TRPM7: variants seen among roughly 807,000 people sequenced by gnomAD.
TRPM7 encodes the protein transient receptor potential cation channel subfamily M member 7, also known as LTRPC ion channel family member 7.
A neutral mutation model predicts 229.7 loss-of-function variants in TRPM7; 134 were observed. That is an observed-to-expected ratio of 0.58 (90% CI 0.51 to 0.67). The LOEUF is 0.67. Ranked by LOEUF, TRPM7 falls within the 30% of genes least tolerant of loss-of-function variation. The probability of loss-of-function intolerance (pLI) is 0.00; values close to 1 mark genes in which losing one functional copy is unlikely to be tolerated. For missense variants in TRPM7, 1,901 were observed against 2,210.0 expected, an observed-to-expected ratio of 0.86 and a Z score of 2.80; for synonymous variants, 699 against 715.2, an observed-to-expected ratio of 0.98 and a Z score of 0.36.
chr15:50,672,876 G>C (rs1454756368), intron 1 of TRPM7, among the ~76,000 whole-genome samples: 53 of 120,650 alleles, frequency 4.4e-4, no homozygotes, highest in African/African-American at 1.6e-3. Context: ...TCCAGCCAGG[G>C]TGACAGAGTG....
At chr15:50,610,004 C>T in intron 17 of TRPM7, 43 bp from the exon 18 acceptor site, 1 of 1,315,620 alleles carries the variant, frequency 7.6e-7, no homozygotes, top group Non-Finnish European at 1.0e-6. Flanking sequence ...AAATTAATGA[C>T]CTTCAAGAAT....
intron 3 of TRPM7, among the ~76,000 whole-genome samples, chr15:50,654,865 G>A (rs920553184): frequency 6.7e-6 from 1 of 150,036 alleles, no homozygotes; most frequent in African/African-American, 2.4e-5. Context: ...CCCGGGTGTG[G>A]CAGCAGGCAC....
chr15:50,593,646 A>G lies in TRPM7; in HGVS notation c.3579T>C (p.Ser1193=), dbSNP rs1327137877. The G allele has an allele frequency of 6.2e-7, 1 of 1,611,946 alleles. No individual in the cohort carries two copies. Among genetic ancestry groups the G allele is most frequent in the Admixed American group, 1.7e-5 (1 of 59,812 alleles). ...NEKDDKFHSG[S]EERIRVTFER... The stretch of plus-strand genomic sequence containing the variant: ...CAAAAGTGACACGAATTCTCTCTTC[A>G]CTCCCAGAATGAAATTTGTCATCTT... Residue 1193 remains serine (S), a synonymous_variant, in exon 25 of 39, where the codon AGT becomes AGC. Coordinates refer to ENST00000646667, the MANE Select transcript of TRPM7 (RefSeq NM_017672.6).
chr15:50,630,547 A>G (rs914229866), intron 10 of TRPM7, among the ~76,000 whole-genome samples: 1 of 152,204 alleles, frequency 6.6e-6, no homozygotes, highest in Non-Finnish European at 1.5e-5. Context: ...CCTTAGTCCT[A>G]AAAGATACCA....
chr15:50,628,432 A>G (rs2060631312), intron 10 of TRPM7, among the ~76,000 whole-genome samples, 183 bp from the exon 11 acceptor site: 1 of 151,972 alleles, frequency 6.6e-6, no homozygotes, highest in Admixed American at 6.6e-5. Context: ...CTTAGCCTCC[A>G]AGTAGCCGAG....
chr15:50,615,459 A>G (rs1244546499), intron 13 of TRPM7, among the ~76,000 whole-genome samples: 2 of 152,120 alleles, frequency 1.3e-5, no homozygotes, highest in Non-Finnish European at 2.9e-5. Context: ...AACATACACC[A>G]TTTGTGAGTT....
rs2059524819 is a variant in TRPM7 at position 50,592,275 on chromosome 15, T to C, written c.3960A>G (p.Lys1320=). 4.3e-6 allele frequency: 7 copies of C among 1,613,982 alleles called. No individual in the cohort carries two copies. The highest frequency in any genetic ancestry group is 5.9e-6 in the Non-Finnish European group (7 of 1,179,972). The part of the protein sequence containing the change: ...NNPFHCNILM[K]DDKDPQCNIF... ...TATTACACTGGGGATCTTTGTCATC[T>C]TTCATTAAAATATTACAATGAAAAG... The change falls in exon 26 of 39, where the codon AAA becomes AAG. Residue 1320 remains lysine, a synonymous_variant. Transcript: ENST00000646667.
rs749426154 is a variant in TRPM7 at position 50,643,563 on chromosome 15, G to T, written c.322-10C>A. ...ATGATAGCCTCACATACTAGAAAAA[G>T]ATTTTAAAAGGAGAAAATAATTGAA... On this transcript the variant is annotated splice_polypyrimidine_tract_variant and intron_variant, in intron 4 of 38. Transcript: ENST00000646667. The T allele has an allele frequency of 3.7e-6, 6 of 1,606,424 alleles. No individual in the cohort carries two copies. Among genetic ancestry groups the T allele is most frequent in the Non-Finnish European group, 5.1e-6 (6 of 1,174,110 alleles).
At chr15:50,563,148 G>T (rs781143082) in intron 38 of TRPM7, among the ~76,000 whole-genome samples, 2 of 152,174 alleles carry the variant, frequency 1.3e-5, no homozygotes, top group Non-Finnish European at 2.9e-5. Flanking sequence ...GCCTGTTTTT[G>T]TAAGTAGTTT....
At chr15:50,612,878 A>T (rs764142368) in intron 15 of TRPM7, 49 bp from the exon 16 acceptor site, 11 of 1,515,590 alleles carry the variant, frequency 7.3e-6, no homozygotes, top group Non-Finnish European at 9.7e-6. Flanking sequence ...AGGCCATATG[A>T]AATTTATGTC....
intron 29 of TRPM7, among the ~76,000 whole-genome samples, chr15:50,581,485 C>G (rs1048351716): frequency 6.8e-6 from 1 of 147,600 alleles, no homozygotes; most frequent in African/African-American, 2.5e-5. Flanking sequence ...GGCGACAGAG[C>G]GAGACTCCAT....
intron 36 of TRPM7, among the ~76,000 whole-genome samples, chr15:50,571,742 A>AT (rs59323335): frequency 0.34 from 52,262 of 152,120 alleles, 10,361 homozygotes; most frequent in Admixed American, 0.48. Context: ...TACATTGTTT[A>AT]ACTTGTAATC....
At chr15:50,634,005 C>T (rs1190681268) in intron 8 of TRPM7, among the ~76,000 whole-genome samples, 1 of 152,160 alleles carries the variant, frequency 6.6e-6, no homozygotes, top group Non-Finnish European at 1.5e-5. Flanking sequence ...ATTCTAAAAA[C>T]CACAAGCCAC....
chr15:50,598,069 C>T (rs186197415), intron 22 of TRPM7, among the ~76,000 whole-genome samples: 1 of 152,258 alleles, frequency 6.6e-6, no homozygotes, highest in African/African-American at 2.4e-5. Context: ...TCTATGTGGC[C>T]ACCCTTGGAC....
chr15:50,676,234 G>A (rs1284860665), intron 1 of TRPM7, among the ~76,000 whole-genome samples: 1 of 152,114 alleles, frequency 6.6e-6, no homozygotes, highest in Non-Finnish European at 1.5e-5. Context: ...GATGCTGCTA[G>A]CAAAAATTGG....
intron 21 of TRPM7, among the ~76,000 whole-genome samples, chr15:50,601,788 C>T (rs1331531925): frequency 6.6e-6 from 1 of 151,902 alleles, no homozygotes; most frequent in East Asian, 1.9e-4. Context: ...AAAGTAATTG[C>T]AGTTTTTGCA....
intron 38 of TRPM7, among the ~76,000 whole-genome samples, chr15:50,563,987 A>C (rs568570216): frequency 2.6e-5 from 4 of 152,172 alleles, no homozygotes; most frequent in African/African-American, 4.8e-5. Context: ...AGCCTCCCCA[A>C]GTAGCTGGGA....
intron 2 of TRPM7, among the ~76,000 whole-genome samples, chr15:50,662,546 G>T (rs997006908): frequency 6.6e-6 from 1 of 152,038 alleles, no homozygotes; most frequent in African/African-American, 2.4e-5. Flanking sequence ...CAAAAAGAAT[G>T]ACTATTATTA....
At chr15:50,608,072 A>C (rs1196648182) in intron 19 of TRPM7, among the ~76,000 whole-genome samples, 1 of 142,430 alleles carries the variant, frequency 7.0e-6, no homozygotes, top group Non-Finnish European at 1.5e-5. Context: ...AAAAAAAAAG[A>C]AAGAAAGAAA....
Sources: allele counts gnomAD v4.1 joint callset (sites outside exome capture counted in the v4.1 genomes callset), GRCh38; gene constraint gnomAD v4.1.1; transcripts MANE v1.5; gene names NCBI Gene and HGNC (gene_info 2026-07-23, HGNC 2026-07-21).